CFAP54: variants seen among roughly 807,000 people sequenced by gnomAD.
CFAP54 encodes cilia- and flagella-associated protein 54.
CFAP54 carries 290 observed loss-of-function variants against 370.4 expected under a neutral mutation model. The observed-to-expected ratio is 0.78, with a 90% CI of 0.71 to 0.86. CFAP54 has a LOEUF of 0.86. Ranked by LOEUF, CFAP54 falls within the 40% of genes least tolerant of loss-of-function variation. The pLI is 0.00. For missense variants in CFAP54, 3,399 were observed against 3,528.7 expected (o/e 0.96, Z 0.93); for synonymous variants, 1,206 against 1,236.5 (o/e 0.98, Z 0.52).
chr12:96,854,717 A>G (rs1027994117), intron 66 of CFAP54, among the ~76,000 whole-genome samples: 3 of 152,238 alleles, frequency 2.0e-5, no homozygotes, highest in Non-Finnish European at 2.9e-5. Flanking sequence ...TCATCATTGT[A>G]TGCCAGGTAC....
chr12:96,679,041 C>T (rs995625275), intron 39 of CFAP54, among the ~76,000 whole-genome samples: 3 of 152,170 alleles, frequency 2.0e-5, no homozygotes, highest in African/African-American at 4.8e-5. Flanking sequence ...TCAGAGACCT[C>T]GAAGCAACTC....
At chr12:96,599,411 A>G (rs1956216587) in intron 26 of CFAP54, among the ~76,000 whole-genome samples, 2 of 151,996 alleles carry the variant, frequency 1.3e-5, no homozygotes, top group Admixed American at 1.3e-4. Context: ...TCTATTATTG[A>G]TGGACATTTG....
intron 13 of CFAP54, chr12:96,538,758 T>C (rs1040046354): frequency 2.6e-5 from 5 of 192,978 alleles, no homozygotes; most frequent in Non-Finnish European, 5.2e-5. Context: ...GTTTCAGGCC[T>C]TTTTTTTTTT....
At chr12:96,804,051 A>G (rs2136716299) in intron 63 of CFAP54, among the ~76,000 whole-genome samples, 1 of 152,256 alleles carries the variant, frequency 6.6e-6, no homozygotes, top group East Asian at 1.9e-4. Context: ...TCTTTAAAAA[A>G]AAGAATTTCT....
intron 50 of CFAP54, among the ~76,000 whole-genome samples, chr12:96,723,882 T>G (rs1396438078): frequency 4.5e-5 from 6 of 134,394 alleles, no homozygotes; most frequent in Admixed American, 1.7e-4. Flanking sequence ...CCTGTGTCCA[T>G]GTGTTCTCAG....
chr12:96,750,218 A>C (rs1958166817), intron 55 of CFAP54, among the ~76,000 whole-genome samples: 3 of 152,136 alleles, frequency 2.0e-5, no homozygotes, highest in Admixed American at 6.6e-5. Flanking sequence ...TCCATCCCAG[A>C]GTGCAGAAGA....
intron 1 of CFAP54, among the ~76,000 whole-genome samples, chr12:96,493,469 A>G (rs1443063978): frequency 6.6e-6 from 1 of 152,216 alleles, no homozygotes; most frequent in East Asian, 1.9e-4. Context: ...TAGAGAGGGA[A>G]CTAGACAATA....
chr12:96,674,021 C>T (rs983966812), intron 39 of CFAP54, among the ~76,000 whole-genome samples: 4 of 152,220 alleles, frequency 2.6e-5, no homozygotes, highest in African/African-American at 9.6e-5. Context: ...GGGGAGATAA[C>T]TCCATGGATA....
At chr12:96,516,985 C>T (rs1011852513) in intron 5 of CFAP54, among the ~76,000 whole-genome samples, 1 of 150,538 alleles carries the variant, frequency 6.6e-6, no homozygotes. Flanking sequence ...ATATGGATAT[C>T]ATTTGACTTT....
At chr12:96,831,825 T>C (rs1377090886) in intron 66 of CFAP54, among the ~76,000 whole-genome samples, 1 of 152,230 alleles carries the variant, frequency 6.6e-6, no homozygotes, top group Non-Finnish European at 1.5e-5. Context: ...TGAAATTTAA[T>C]CTTTGCTTCA....
chr12:96,830,906 C>T (rs1305795288), intron 66 of CFAP54, among the ~76,000 whole-genome samples: 1 of 152,072 alleles, frequency 6.6e-6, no homozygotes, highest in African/African-American at 2.4e-5. Context: ...GTACTTCTGA[C>T]CTCAAGTGAT....
intron 26 of CFAP54, among the ~76,000 whole-genome samples, chr12:96,601,160 A>T (rs1280835447): frequency 6.6e-6 from 1 of 152,042 alleles, no homozygotes; most frequent in Non-Finnish European, 1.5e-5. Flanking sequence ...AGAGTTTTTG[A>T]CATGAAGGGC....
intron 36 of CFAP54, among the ~76,000 whole-genome samples, chr12:96,652,771 C>T (rs1956875894): frequency 6.6e-6 from 1 of 151,856 alleles, no homozygotes; most frequent in Non-Finnish European, 1.5e-5. Flanking sequence ...TATAAAGAAA[C>T]AGGTAGATTG....
Position 96,621,662 on chromosome 12 carries a change from A to G in CFAP54, c.3712A>G (p.Thr1238Ala), listed in dbSNP as rs1003899604. The change falls in exon 27 of 68, where the codon ACA (threonine) becomes GCA (alanine). Residue 1238 changes from threonine (T) to alanine (A), a missense_variant. By Grantham distance (58) the Thr-to-Ala change is moderately conservative (BLOSUM62 0). Transcript: ENST00000524981. The stretch of plus-strand genomic sequence containing the variant: ...TTATGGGAAAAAAATGTTGGACATC[A>G]CACCAGGATGCAAGTCTCTGTTTGA... ...INYGKKMLDI[T>A]PGCKSLFDGS... 9.2e-6 allele frequency: 14 copies of G among 1,529,404 alleles called. No homozygotes were observed. The highest frequency in any genetic ancestry group is 1.4e-5 in the African/African-American group (1 of 72,922). The allele number at this position is 1,529,404 out of a possible 1,614,324, so 94.7% of individuals were successfully genotyped here.
chr12:96,664,715 C>A lies in CFAP54; in HGVS notation c.5563+783C>A, dbSNP rs3925952. On this transcript the variant is annotated intron_variant, in intron 39 of 67. Transcript: ENST00000524981. ...TATATATCTATATATATATATATAT[C>A]TATATATATCTATATATATATATCT... 3.3e-3 allele frequency among the ~76,000 whole-genome samples: 218 copies of A among 66,428 alleles called. 3 individuals are homozygous for A. The highest frequency in any genetic ancestry group is 0.014 in the Middle Eastern group (2 of 138). 43.6% of individuals were successfully genotyped at this position (66,428 alleles called of 152,430 possible). A position where few individuals can be genotyped will look rare whatever the true frequency, so the allele number is the denominator to read the frequency against.
At chr12:96,685,309 C>T in intron 42 of CFAP54, 71 bp downstream of exon 42, 2 of 1,387,898 alleles carry the variant, frequency 1.4e-6, no homozygotes, top group East Asian at 2.4e-5. Context: ...CTGTGCCATA[C>T]AAAGTGCTAT....
intron 64 of CFAP54, among the ~76,000 whole-genome samples, chr12:96,816,157 A>G (rs1456556042): frequency 1.3e-5 from 2 of 152,148 alleles, no homozygotes; most frequent in Non-Finnish European, 2.9e-5. Flanking sequence ...TTTGGGCAGT[A>G]TGGCCATTTT....
chr12:96,846,522 CAAAGGCTT>C (rs1395521557), intron 66 of CFAP54, among the ~76,000 whole-genome samples: 1 of 152,152 alleles, frequency 6.6e-6, no homozygotes, highest in African/African-American at 2.4e-5. Flanking sequence ...TGTCAGATTT[CAAAGGCTT>C]TTTTCTCTAG....
chr12:96,812,244 A>G (rs1009585102), intron 64 of CFAP54, among the ~76,000 whole-genome samples: 2 of 152,200 alleles, frequency 1.3e-5, no homozygotes, highest in Non-Finnish European at 2.9e-5. Flanking sequence ...GCGTGGTTAA[A>G]AAATAATTTA....
Sources: allele counts gnomAD v4.1 joint callset (sites outside exome capture counted in the v4.1 genomes callset), GRCh38; gene constraint gnomAD v4.1.1; transcripts MANE v1.5; gene names NCBI Gene and HGNC (gene_info 2026-07-23, HGNC 2026-07-21).